Variants in MIB1 observed in about 807,000 individuals in gnomAD.
MIB1 encodes MIB E3 ubiquitin protein ligase 1.
In MIB1, 278 loss-of-function variants were observed where a neutral mutation model predicts 124.5. The observed-to-expected ratio is 2.23, with a 90% confidence interval of 2.02 to 2.47. The LOEUF (loss-of-function observed/expected upper bound fraction) is 2.47. Ranked by LOEUF, MIB1 falls within the 30% of genes most tolerant of loss-of-function variation. The pLI is 0.00. For synonymous variants in MIB1, 446 were observed against 429.4 expected, an observed-to-expected ratio of 1.04 and a Z score of -0.48; for missense variants, 957 against 1,254.4, an observed-to-expected ratio of 0.76 and a Z score of 3.58.
intron 7 of MIB1, among the ~76,000 whole-genome samples, chr18:21,793,257 C>T (rs2041528003): frequency 6.6e-6 from 1 of 152,192 alleles, no homozygotes; most frequent in Non-Finnish European, 1.5e-5. Flanking sequence ...AAGGATGGAA[C>T]TAGTGTGGGC....
rs753569828 is a variant in MIB1 at position 21,773,643 on chromosome 18, G to A, written c.551G>A (p.Trp184Ter). 2.5e-6 allele frequency: 4 copies of A among 1,609,674 alleles called. No individual in the cohort carries two copies. Among genetic ancestry groups the A allele is most frequent in the Admixed American group, 1.7e-5 (1 of 59,132 alleles). The stretch of plus-strand genomic sequence containing the variant: ...TGTTAGGTAACAGAAATCCAGGACT[G>A]GAGTGCATCAAGCCCACATAGCGCA... ...RRGKVTEIQD[W>*]SASSPHSAAY... Residue 184 changes from tryptophan (W) to a stop codon, truncating the protein, a stop_gained, in exon 4 of 21, where the codon TGG becomes TAG. Transcript: ENST00000261537. LOFTEE classifies it high-confidence loss of function.
rs752589269 is a variant in MIB1 at position 21,844,120 on chromosome 18, A to G, written c.2078A>G (p.Asp693Gly). The G allele has an allele frequency of 4.3e-6, 7 of 1,613,914 alleles. No individual in the cohort carries two copies. The highest frequency in any genetic ancestry group is 1.3e-5 in the African/African-American group (1 of 74,888). ...TTGGTCCGTGCAGGTGCCAAGCTTGATATTCAGGATAAGGATGGGGATACT... is the reference window on the plus strand; with the variant it reads ...TTGGTCCGTGCAGGTGCCAAGCTTGGTATTCAGGATAAGGATGGGGATACT... Reference protein sequence around the residue: ...RLLVRAGAKLDIQDKDGDTPL... With the variant: ...RLLVRAGAKLGIQDKDGDTPL... The change falls in exon 15 of 21, where the codon GAT becomes GGT. Residue 693 changes from aspartate to glycine, a missense_variant. Transcript: ENST00000261537.
intron 12 of MIB1, among the ~76,000 whole-genome samples, chr18:21,835,210 T>TA (rs2042015800): frequency 6.6e-6 from 1 of 152,200 alleles, no homozygotes; most frequent in South Asian, 2.1e-4. Context: ...ATTTTTTTTT[T>TA]ATCAAGACTA....
chr18:21,853,906 C>G (rs1210635046), intron 18 of MIB1, among the ~76,000 whole-genome samples: 18 of 148,698 alleles, frequency 1.2e-4, no homozygotes, highest in Non-Finnish European at 8.9e-5. Context: ...GCTCTGTCAC[C>G]TAGGCTGGAG....
intron 12 of MIB1, among the ~76,000 whole-genome samples, chr18:21,821,447 C>A (rs1427425836): frequency 6.6e-6 from 1 of 152,066 alleles, no homozygotes; most frequent in Non-Finnish European, 1.5e-5. Context: ...CTGCTTTCTT[C>A]TTCTATTTTT....
intron 12 of MIB1, among the ~76,000 whole-genome samples, chr18:21,830,991 A>T (rs1328506975): frequency 6.6e-6 from 1 of 152,040 alleles, no homozygotes; most frequent in African/African-American, 2.4e-5. Flanking sequence ...AGGGAAAGTT[A>T]AGCAATCAAA....
At chr18:21,818,850 G>T (rs531543353) in intron 11 of MIB1, among the ~76,000 whole-genome samples, 33 of 152,056 alleles carry the variant, frequency 2.2e-4, no homozygotes, top group African/African-American at 7.7e-4. Context: ...CAGGAGAATC[G>T]CTTGAAACCG....
chr18:21,758,747 C>T (rs777522731), intron 1 of MIB1, among the ~76,000 whole-genome samples: 88 of 152,238 alleles, frequency 5.8e-4, no homozygotes, highest in Non-Finnish European at 1.0e-3. Context: ...GTTGGCCAGA[C>T]TGGTCTTGAA....
chr18:21,782,152 C>T (rs1390449320), intron 6 of MIB1, among the ~76,000 whole-genome samples: 1 of 151,912 alleles, frequency 6.6e-6, no homozygotes, highest in African/African-American at 2.4e-5. Context: ...GACGAAGTTT[C>T]GCTCTTGTTG....
chr18:21,784,639 T>C (rs9950706), intron 6 of MIB1, among the ~76,000 whole-genome samples: 4,966 of 152,274 alleles, frequency 0.033, 111 homozygotes, highest in East Asian at 0.069. Flanking sequence ...AATTGTAACC[T>C]AGGAAAGACC....
chr18:21,725,020 G>A (rs976071207), intron 1 of MIB1, among the ~76,000 whole-genome samples: 2 of 145,296 alleles, frequency 1.4e-5, no homozygotes, highest in African/African-American at 2.5e-5. Context: ...GCGTGAACGC[G>A]GGAGGTGGAG....
chr18:21,735,642 T>C (rs146700622), intron 1 of MIB1, among the ~76,000 whole-genome samples: 317 of 152,310 alleles, frequency 2.1e-3, no homozygotes, highest in African/African-American at 7.2e-3. Flanking sequence ...TTCTCGCTGC[T>C]AGCACAGCAG....
At chr18:21,777,293 C>T (rs549011692) in intron 4 of MIB1, among the ~76,000 whole-genome samples, 10 of 151,500 alleles carry the variant, frequency 6.6e-5, no homozygotes, top group African/African-American at 2.4e-4. Context: ...GTGGTGCATG[C>T]CTGTAATACC....
At chr18:21,759,658 A>G (rs1266805223) in intron 1 of MIB1, among the ~76,000 whole-genome samples, 1 of 152,106 alleles carries the variant, frequency 6.6e-6, no homozygotes, top group Non-Finnish European at 1.5e-5. Context: ...ATATGTATCC[A>G]TTCTGTTGTT....
rs60128500 is a variant in MIB1 at position 21,734,478 on chromosome 18, T to TTCTCTC, written n.167+29369_167+29374dup. ...TTTTCTTTTCTTTCTCTCTCTCTCTTTCTCTCTCTCTCTCTCTCTTTCTTT... is the reference window on the plus strand; with the variant it reads ...TTTTCTTTTCTTTCTCTCTCTCTCTTTCTCTCTCTCTCTCTCTCTCTCTCTTTCTTT... On this transcript the variant is annotated intron_variant and non_coding_transcript_variant, in intron 1 of 20. Coordinates refer to the MIB1 transcript ENST00000578646. 6.6e-3 allele frequency among the ~76,000 whole-genome samples: 987 copies of TTCTCTC among 149,214 alleles called. 10 individuals are homozygous for TTCTCTC. The highest frequency in any genetic ancestry group is 0.023 in the African/African-American group (942 of 40,272).
chr18:21,823,056 A>G (rs1161385813), intron 12 of MIB1, among the ~76,000 whole-genome samples: 1 of 152,096 alleles, frequency 6.6e-6, no homozygotes, highest in Non-Finnish European at 1.5e-5. Context: ...CAACATTGTG[A>G]AATGCTGTCT....
intron 1 of MIB1, among the ~76,000 whole-genome samples, chr18:21,744,008 T>C (rs963208497): frequency 6.6e-6 from 1 of 151,954 alleles, no homozygotes; most frequent in Non-Finnish European, 1.5e-5. Flanking sequence ...TTTGGTCTTT[T>C]AACAAACATT....
intron 1 of MIB1, among the ~76,000 whole-genome samples, chr18:21,750,297 G>A (rs1219917718): frequency 3.3e-5 from 5 of 152,006 alleles, no homozygotes; most frequent in African/African-American, 1.2e-4. Context: ...GATTACAGGC[G>A]GGTGCCACCA....
intron 8 of MIB1, among the ~76,000 whole-genome samples, chr18:21,798,581 C>G (rs2041613314): frequency 6.6e-6 from 1 of 152,104 alleles, no homozygotes; most frequent in African/African-American, 2.4e-5. Context: ...CCATCACTTT[C>G]TTAGACTTCT....
Sources: allele counts gnomAD v4.1 joint callset (sites outside exome capture counted in the v4.1 genomes callset), GRCh38; gene constraint gnomAD v4.1.1; transcripts MANE v1.5; gene names NCBI Gene and HGNC (gene_info 2026-07-23, HGNC 2026-07-21).